Variants in MMP16 observed in about 807,000 individuals in gnomAD.
MMP16 encodes matrix metalloproteinase-16.
In MMP16, 12 loss-of-function variants were observed where a neutral mutation model predicts 67.8. That is an observed-to-expected ratio of 0.18 (90% confidence interval 0.11 to 0.29). The LOEUF (loss-of-function observed/expected upper bound fraction) is 0.29, where lower values mean the gene tolerates loss of function less well. Among genes scored for constraint, MMP16 ranks in the 10% least tolerant of loss-of-function variants. MMP16 has a pLI of 1.00. For synonymous variants in MMP16, 249 were observed against 255.9 expected, an observed-to-expected ratio of 0.97 and a Z score of 0.26; for missense variants, 475 against 765.7, an observed-to-expected ratio of 0.62 and a Z score of 4.48.
chr8:88,077,409 A>G (rs1234437441), intron 6 of MMP16, among the ~76,000 whole-genome samples: 1 of 152,176 alleles, frequency 6.6e-6, no homozygotes, highest in Non-Finnish European at 1.5e-5. Flanking sequence ...TGACCATGCT[A>G]TCTAGAACTG....
At chr8:88,234,535 C>T (rs1809911433) in intron 1 of MMP16, among the ~76,000 whole-genome samples, 1 of 152,204 alleles carries the variant, frequency 6.6e-6, no homozygotes, top group African/African-American at 2.4e-5. Context: ...TAATTAATGA[C>T]TGCTTCTGAT....
intron 1 of MMP16, among the ~76,000 whole-genome samples, chr8:88,254,077 T>C (rs950186526): frequency 6.6e-6 from 1 of 152,088 alleles, no homozygotes; most frequent in African/African-American, 2.4e-5. Flanking sequence ...CCAACAATGA[T>C]AGACTGGATA....
chr8:88,262,475 T>C (rs1448547774), intron 1 of MMP16, among the ~76,000 whole-genome samples: 1 of 152,198 alleles, frequency 6.6e-6, no homozygotes, highest in African/African-American at 2.4e-5. Context: ...TTACTGTTTA[T>C]GCACCCATTA....
At chr8:88,113,702 A>G (rs900271427) in intron 6 of MMP16, among the ~76,000 whole-genome samples, 3 of 151,894 alleles carry the variant, frequency 2.0e-5, no homozygotes, top group South Asian at 4.1e-4. Context: ...GCTCTGTCCT[A>G]TGTAAGTGTT....
chr8:88,154,773 C>T (rs1370203298), intron 4 of MMP16, among the ~76,000 whole-genome samples: 6 of 146,302 alleles, frequency 4.1e-5, no homozygotes, highest in Non-Finnish European at 8.9e-5. Flanking sequence ...GGCTAGATGA[C>T]GAGTTAGTGG....
At chr8:88,322,672 T>TAA (rs1288685657) in intron 1 of MMP16, among the ~76,000 whole-genome samples, 4 of 146,390 alleles carry the variant, frequency 2.7e-5, no homozygotes, top group African/African-American at 2.6e-5. Flanking sequence ...CAATGAAAAT[T>TAA]AAAAAAAAAA....
At chr8:88,111,485 G>A (rs148583177) in intron 6 of MMP16, among the ~76,000 whole-genome samples, 130 of 151,810 alleles carry the variant, frequency 8.6e-4, no homozygotes, top group Admixed American at 2.0e-3. Context: ...ACAACTGGGA[G>A]GAGAAGTGTG....
intron 1 of MMP16, among the ~76,000 whole-genome samples, chr8:88,223,658 C>G (rs1176145086): frequency 7.9e-6 from 1 of 127,112 alleles, no homozygotes; most frequent in South Asian, 2.5e-4. Context: ...CACTTGGACA[C>G]AGGGTGCAGA....
chr8:88,244,632 A>C (rs1359176982), intron 1 of MMP16, among the ~76,000 whole-genome samples: 3 of 152,174 alleles, frequency 2.0e-5, no homozygotes, highest in African/African-American at 7.2e-5. Flanking sequence ...CATTATGAAA[A>C]AACAAAGACA....
chr8:88,276,225 C>A (rs28904578), intron 1 of MMP16, among the ~76,000 whole-genome samples: 1 of 152,100 alleles, frequency 6.6e-6, no homozygotes, highest in Non-Finnish European at 1.5e-5. Context: ...AGCTCAGACA[C>A]ACAAAAGTAT....
At chr8:88,135,403 T>G (rs1210745002) in intron 4 of MMP16, among the ~76,000 whole-genome samples, 1 of 151,754 alleles carries the variant, frequency 6.6e-6, no homozygotes, top group African/African-American at 2.4e-5. Flanking sequence ...GTAAGCAAAC[T>G]CAAGGATATT....
chr8:88,267,544 C>T lies in MMP16; in HGVS notation c.132+59531G>A, dbSNP rs532097778. On this transcript the variant is annotated intron_variant, in intron 1 of 9. Transcript: ENST00000286614. ...TTACTTTTATATAGCCAACACTTAGCGTAACACCTGGCACATAGTGGGCAC... is the reference window on the plus strand; with the variant it reads ...TTACTTTTATATAGCCAACACTTAGTGTAACACCTGGCACATAGTGGGCAC... 1.1e-4 allele frequency among the ~76,000 whole-genome samples: 16 copies of T among 152,274 alleles called. No homozygotes were observed. In the South Asian group the frequency reaches 2.9e-3, roughly 28 times the overall value.
chr8:88,281,699 T>C (rs1160348747), intron 1 of MMP16, among the ~76,000 whole-genome samples: 2 of 152,164 alleles, frequency 1.3e-5, no homozygotes, highest in East Asian at 3.9e-4. Context: ...CCACACCTGG[T>C]AGAAGCATTG....
At chr8:88,217,498 G>A (rs1456377356) in intron 1 of MMP16, among the ~76,000 whole-genome samples, 1 of 151,916 alleles carries the variant, frequency 6.6e-6, no homozygotes, top group African/African-American at 2.4e-5. Context: ...CCACCACAGG[G>A]TTCAATACAG....
intron 1 of MMP16, among the ~76,000 whole-genome samples, chr8:88,298,955 T>G (rs890809506): frequency 2.6e-5 from 4 of 152,198 alleles, no homozygotes; most frequent in African/African-American, 9.7e-5. Flanking sequence ...TCTAGTTCAT[T>G]TCTAACATTA....
intron 4 of MMP16, among the ~76,000 whole-genome samples, chr8:88,141,092 C>G (rs183536328): frequency 6.6e-6 from 1 of 152,100 alleles, no homozygotes; most frequent in Non-Finnish European, 1.5e-5. Flanking sequence ...ACTCTCCATA[C>G]GCAAGTCGAA....
intron 6 of MMP16, among the ~76,000 whole-genome samples, chr8:88,083,268 T>G (rs1288503123): frequency 6.6e-6 from 1 of 152,116 alleles, no homozygotes; most frequent in Non-Finnish European, 1.5e-5. Context: ...CTTAATTTTG[T>G]TGGCTCAAAA....
Position 88,033,622 on chromosome 8 carries a change from C to T in MMP16, c.*7839G>A, listed in dbSNP as rs915548028. 3 of 151,474 alleles carry T rather than the reference C, an allele frequency of 2.0e-5. No individual in the cohort carries two copies. Among genetic ancestry groups the T allele is most frequent in the African/African-American group, 7.3e-5 (3 of 41,258 alleles). The allele number at this position is 151,474 out of a possible 1,614,324, so 9.4% of individuals were successfully genotyped here. A position where few individuals can be genotyped will look rare whatever the true frequency, so the allele number is the denominator to read the frequency against. On this transcript the variant is annotated 3_prime_UTR_variant, in exon 10 of 10. Coordinates refer to ENST00000286614, the MANE Select transcript of MMP16 (RefSeq NM_005941.5). The stretch of plus-strand genomic sequence containing the variant: ...TGAACTAGTAAACTCCATTTATTTC[C>T]CTCCTATAATATAAAAACAAGATCT...
intron 3 of MMP16, among the ~76,000 whole-genome samples, chr8:88,173,009 CA>C (rs1808829660): frequency 6.6e-6 from 1 of 152,088 alleles, no homozygotes; most frequent in Non-Finnish European, 1.5e-5. Context: ...CATCTAATAA[CA>C]ATTTTACATA....
Sources: allele counts gnomAD v4.1 joint callset (sites outside exome capture counted in the v4.1 genomes callset), GRCh38; gene constraint gnomAD v4.1.1; transcripts MANE v1.5; gene names NCBI Gene and HGNC (gene_info 2026-07-23, HGNC 2026-07-21).